The following CREB5 variants were observed in gnomAD, a reference collection of about 807,000 sequenced individuals.
CREB5 encodes the protein cAMP responsive element binding protein 5.
CREB5 carries 19 observed loss-of-function variants against 57.1 expected under a neutral mutation model. The observed-to-expected ratio is 0.33, with a 90% confidence interval of 0.23 to 0.49. The LOEUF (loss-of-function observed/expected upper bound fraction) is 0.49. CREB5 is among the 20% of genes least tolerant of loss of function. The pLI is 0.99. For missense variants in CREB5, 579 were observed against 671.6 expected (o/e 0.86, Z 1.52); for synonymous variants, 238 against 238.3 (o/e 1.00, Z 0.01).
intron 7 of CREB5, among the ~76,000 whole-genome samples, chr7:28,795,845 C>T (rs577999090): frequency 2.6e-5 from 4 of 151,678 alleles, no homozygotes; most frequent in Non-Finnish European, 2.9e-5. Context: ...CTCCACCGCC[C>T]GGAATTCAAG....
At chr7:28,339,142 G>C (rs1178694389) in intron 1 of CREB5, among the ~76,000 whole-genome samples, 1 of 151,998 alleles carries the variant, frequency 6.6e-6, no homozygotes, top group Non-Finnish European at 1.5e-5. Context: ...AAGTTCATTT[G>C]GTGAGGTCAT....
intron 7 of CREB5, among the ~76,000 whole-genome samples, chr7:28,734,056 C>T (rs1033053155): frequency 1.7e-4 from 26 of 152,056 alleles, no homozygotes; most frequent in African/African-American, 5.6e-4. Flanking sequence ...CTCTGCCAGC[C>T]ACAGTCAAGT....
At chr7:28,687,899 C>T (rs1024756516) in intron 5 of CREB5, among the ~76,000 whole-genome samples, 2 of 152,100 alleles carry the variant, frequency 1.3e-5, no homozygotes, top group African/African-American at 4.8e-5. Flanking sequence ...GGGCACTACT[C>T]TAAAGAGCAG....
intron 1 of CREB5, among the ~76,000 whole-genome samples, chr7:28,382,494 C>T (rs890661402): frequency 2.0e-5 from 3 of 152,072 alleles, no homozygotes; most frequent in African/African-American, 7.2e-5. Context: ...GAGGTAGACA[C>T]CCAAAAGCAA....
chr7:28,398,699 T>A (rs1052357274), intron 1 of CREB5, among the ~76,000 whole-genome samples: 5 of 152,148 alleles, frequency 3.3e-5, no homozygotes, highest in African/African-American at 9.7e-5. Context: ...TTTGGTAAGA[T>A]CAGACAATTA....
At chr7:28,549,459 A>T (rs1280187997) in intron 4 of CREB5, among the ~76,000 whole-genome samples, 1 of 152,250 alleles carries the variant, frequency 6.6e-6, no homozygotes, top group Admixed American at 6.5e-5. Flanking sequence ...TTTCTGATTT[A>T]TACTTAAGAC....
At chr7:28,647,003 T>C (rs1045318432) in intron 5 of CREB5, among the ~76,000 whole-genome samples, 4 of 152,046 alleles carry the variant, frequency 2.6e-5, no homozygotes, top group African/African-American at 9.7e-5. Context: ...TGGTGATACA[T>C]CAGTGGAGAT....
chr7:28,321,396 A>G (rs1207903980), intron 1 of CREB5, among the ~76,000 whole-genome samples: 3 of 152,164 alleles, frequency 2.0e-5, no homozygotes, highest in Non-Finnish European at 4.4e-5. Context: ...TTGTCCAAAA[A>G]TCAGGGGGAA....
chr7:28,714,632 A>G (rs535740586), intron 5 of CREB5, among the ~76,000 whole-genome samples: 114 of 152,358 alleles, frequency 7.5e-4, no homozygotes, highest in African/African-American at 2.5e-3. Flanking sequence ...TGCGGTGCCT[A>G]TCATTCTGTT....
chr7:28,632,090 A>T (rs1000087674), intron 5 of CREB5, among the ~76,000 whole-genome samples: 1 of 152,238 alleles, frequency 6.6e-6, no homozygotes, highest in African/African-American at 2.4e-5. Flanking sequence ...TCCAAAGCAC[A>T]GCTTGGACCG....
chr7:28,776,388 C>T (rs1019440835), intron 7 of CREB5, among the ~76,000 whole-genome samples: 1 of 151,132 alleles, frequency 6.6e-6, no homozygotes, highest in African/African-American at 2.4e-5. Context: ...TTTTAACAAT[C>T]ATTCTCACCC....
intron 7 of CREB5, among the ~76,000 whole-genome samples, chr7:28,755,647 A>T (rs185066616): frequency 6.6e-6 from 1 of 152,338 alleles, no homozygotes; most frequent in East Asian, 1.9e-4. Flanking sequence ...TAATAGTAAT[A>T]AGAAAAAAAC....
intron 4 of CREB5, among the ~76,000 whole-genome samples, chr7:28,512,313 A>G (rs970919794): frequency 1.1e-4 from 17 of 152,128 alleles, no homozygotes; most frequent in Non-Finnish European, 1.5e-5. Flanking sequence ...AATAGAGATG[A>G]AGTAGAGAGG....
chr7:28,455,653 G>T (rs929331784), intron 1 of CREB5, among the ~76,000 whole-genome samples: 4 of 151,964 alleles, frequency 2.6e-5, no homozygotes, highest in African/African-American at 9.7e-5. Flanking sequence ...TGAATACTGC[G>T]CTTTGGGGCT....
chr7:28,699,435 A>G (rs1358028851), intron 5 of CREB5, among the ~76,000 whole-genome samples: 1 of 152,206 alleles, frequency 6.6e-6, no homozygotes, highest in African/African-American at 2.4e-5. Context: ...AGCATCTCAC[A>G]CAGCACTTTG....
chr7:28,535,882 G>A (rs1282503756), intron 4 of CREB5, among the ~76,000 whole-genome samples: 1 of 152,142 alleles, frequency 6.6e-6, no homozygotes, highest in African/African-American at 2.4e-5. Context: ...CTACATGGTA[G>A]AACTTGGTTA....
At chr7:28,431,364 A>G (rs972783504) in intron 1 of CREB5, among the ~76,000 whole-genome samples, 2 of 152,182 alleles carry the variant, frequency 1.3e-5, no homozygotes, top group Non-Finnish European at 2.9e-5. Context: ...ATGTCACACT[A>G]TTTGAAACGA....
upstream of CREB5, among the ~76,000 whole-genome samples, chr7:28,411,128 C>T (rs2286841): frequency 4.6e-5 from 7 of 152,096 alleles, no homozygotes; most frequent in Admixed American, 6.6e-5. Context: ...TCCTCTAGGG[C>T]GAAAATGCTT....
intron 1 of CREB5, among the ~76,000 whole-genome samples, chr7:28,421,566 G>C (rs1788246082): frequency 6.6e-6 from 1 of 151,978 alleles, no homozygotes; most frequent in Admixed American, 6.6e-5. Context: ...TGTGTGATGT[G>C]ATTTTGACAC....
Sources: gnomAD v4.1 joint callset for allele counts (sites outside exome capture counted in the v4.1 genomes callset) on GRCh38, gnomAD v4.1.1 for gene constraint, MANE v1.5 for transcripts, NCBI Gene and HGNC (gene_info 2026-07-23, HGNC 2026-07-21) for gene names.